CNBD1: variants seen among roughly 807,000 people sequenced by gnomAD.
CNBD1 encodes the protein cyclic nucleotide binding domain containing 1, also known as cyclic nucleotide-binding domain-containing protein 1.
Under a neutral mutation model 54.4 loss-of-function variants are expected in CNBD1, and 71 were observed. That is an observed-to-expected ratio of 1.30 (90% confidence interval 1.08 to 1.59). The LOEUF is 1.59. Among genes scored for constraint, CNBD1 ranks in the 40% most tolerant of loss-of-function variants. The pLI is 0.00. For missense variants in CNBD1, 659 were observed against 518.0 expected, an observed-to-expected ratio of 1.27 and a Z score of -2.64; for synonymous variants, 182 against 170.7, an observed-to-expected ratio of 1.07 and a Z score of -0.51.
In CNBD1 at chr8:87,119,091, T is replaced by G. The variant is rs139992473; in HGVS notation, c.432-86902T>G. 8.9e-4 allele frequency among the ~76,000 whole-genome samples: 136 copies of G among 152,252 alleles called. 2 individuals are homozygous for G. The highest frequency in any genetic ancestry group is 7.3e-3 in the East Asian group (38 of 5,176). ...TGTGAGAACACAGGCCTTTTTTGGT[T>G]CCATATGAATTTTAAGATTTTTTTT... On this transcript the variant is annotated intron_variant, in intron 4 of 10. Transcript: ENST00000518476.
chr8:87,379,249 C>G (rs1390153446), intron 10 of CNBD1, among the ~76,000 whole-genome samples: 1 of 151,930 alleles, frequency 6.6e-6, no homozygotes, highest in Non-Finnish European at 1.5e-5. Flanking sequence ...GAGTGACCTA[C>G]AAAGAGACTT....
intron 5 of CNBD1, among the ~76,000 whole-genome samples, chr8:87,214,896 T>G (rs921877745): frequency 6.6e-6 from 1 of 152,104 alleles, no homozygotes; most frequent in South Asian, 2.1e-4. Context: ...CCCACAACAC[T>G]TGGGAATTAT....
chr8:86,942,718 T>G (rs1807361583), intron 4 of CNBD1, among the ~76,000 whole-genome samples: 1 of 152,208 alleles, frequency 6.6e-6, no homozygotes, highest in Non-Finnish European at 1.5e-5. Flanking sequence ...TTTGCAGTAT[T>G]CCCAAATCAT....
chr8:87,227,263 G>A (rs1371285566), intron 5 of CNBD1, among the ~76,000 whole-genome samples: 1 of 148,748 alleles, frequency 6.7e-6, no homozygotes, highest in Admixed American at 6.7e-5. Flanking sequence ...AGTGTTATGT[G>A]TGAATTTGAT....
intron 9 of CNBD1, 95 bp from the exon 10 acceptor site, chr8:87,353,541 T>C: frequency 4.0e-6 from 3 of 754,188 alleles, no homozygotes; most frequent in Non-Finnish European, 6.3e-6. Flanking sequence ...TATCATTTAG[T>C]AAAATGGTTT....
chr8:87,256,255 T>C (rs1194460358), intron 6 of CNBD1, among the ~76,000 whole-genome samples: 1 of 151,278 alleles, frequency 6.6e-6, no homozygotes, highest in Non-Finnish European at 1.5e-5. Flanking sequence ...GCTCCTGGCC[T>C]CAGTGATCCA....
At chr8:87,083,611 C>T (rs1238263878) in intron 4 of CNBD1, among the ~76,000 whole-genome samples, 20 of 127,092 alleles carry the variant, frequency 1.6e-4, no homozygotes, top group African/African-American at 4.6e-4. Flanking sequence ...TTTTTTGAGA[C>T]GGAGTCTGAC....
At position 87,249,338 on chromosome 8, in the gene CNBD1, A is replaced by G. The variant is rs1205670542; in HGVS notation, c.771+12226A>G. Among the ~76,000 whole-genome samples the G allele has an allele frequency of 3.9e-5, 6 of 152,236 alleles. No individual in the cohort carries two copies. In the East Asian group the frequency reaches 9.7e-4, roughly 25 times the overall value. Reference sequence around the variant, plus strand: ...TTATGGGGAATGGCTGTAAACATAGATGAAGCTTTTCCTGCTTGCCCATTG... The same window carrying G: ...TTATGGGGAATGGCTGTAAACATAGGTGAAGCTTTTCCTGCTTGCCCATTG... On this transcript the variant is annotated intron_variant, in intron 6 of 10. Coordinates refer to ENST00000518476, the MANE Select transcript of CNBD1 (RefSeq NM_173538.3).
At chr8:87,132,784 CAT>C (rs139202654) in intron 4 of CNBD1, among the ~76,000 whole-genome samples, 4,882 of 144,574 alleles carry the variant, frequency 0.034, 101 homozygotes, top group Non-Finnish European at 0.04. Flanking sequence ...ATTCAATTTG[CAT>C]ATATATATGT....
chr8:86,927,640 T>A (rs141237682), intron 3 of CNBD1, among the ~76,000 whole-genome samples: 118 of 152,282 alleles, frequency 7.7e-4, no homozygotes, highest in African/African-American at 2.8e-3. Flanking sequence ...ATTTTCGTCC[T>A]GGCAGGAGCT....
chr8:87,371,693 C>T (rs1041065432), intron 10 of CNBD1, among the ~76,000 whole-genome samples: 1 of 151,954 alleles, frequency 6.6e-6, no homozygotes, highest in Non-Finnish European at 1.5e-5. Context: ...ATATGCAAAT[C>T]AATAAATGTA....
chr8:86,930,037 T>C (rs1197834972), intron 3 of CNBD1, among the ~76,000 whole-genome samples: 1 of 152,160 alleles, frequency 6.6e-6, no homozygotes, highest in East Asian at 1.9e-4. Context: ...TTGAAGGCTG[T>C]TTCCATCTCT....
intron 6 of CNBD1, among the ~76,000 whole-genome samples, chr8:87,261,046 C>T (rs568578519): frequency 2.0e-5 from 3 of 152,268 alleles, no homozygotes; most frequent in African/African-American, 7.2e-5. Flanking sequence ...CCCTGCAATA[C>T]TACTGCTTCC....
chr8:87,305,332 CA>C (rs1238350593), intron 8 of CNBD1, among the ~76,000 whole-genome samples: 1 of 151,980 alleles, frequency 6.6e-6, no homozygotes, highest in Non-Finnish European at 1.5e-5. Flanking sequence ...ACCATATTGC[CA>C]AAAACAATCT....
rs548692859 is a variant in CNBD1 at position 87,176,860 on chromosome 8, G to A, written c.432-29133G>A. On this transcript the variant is annotated intron_variant, in intron 4 of 10. Coordinates refer to ENST00000518476, the MANE Select transcript of CNBD1 (RefSeq NM_173538.3). The stretch of plus-strand genomic sequence containing the variant: ...ATTTCTGGCTTCATATTTTATGAAA[G>A]TAAATCAAGATAACTATAAACAATA... 2.2e-4 allele frequency among the ~76,000 whole-genome samples: 34 copies of A among 152,144 alleles called. No individual in the cohort carries two copies. The South Asian group carries it at 4.6e-3, about 20-fold the overall frequency.
Position 87,031,771 on chromosome 8 carries a change from C to T in CNBD1, c.431+92017C>T, listed in dbSNP as rs753485655. 7.0e-4 allele frequency among the ~76,000 whole-genome samples: 107 copies of T among 152,080 alleles called. 1 individual carries two copies. Among genetic ancestry groups the T allele is most frequent in the Non-Finnish European group, 4.6e-4 (31 of 68,012 alleles). ...TTTATTTATTTTTGAGATGGAGTCT[C>T]GCTCTATCACCCAGGCTGGAGTTCA... On this transcript the variant is annotated intron_variant, in intron 4 of 10. Transcript: ENST00000518476.
At chr8:86,916,620 A>T (rs1255569063) in intron 3 of CNBD1, among the ~76,000 whole-genome samples, 2 of 152,144 alleles carry the variant, frequency 1.3e-5, no homozygotes, top group Admixed American at 6.6e-5. Flanking sequence ...TCTTATTGGA[A>T]AACTGCTGAT....
At chr8:87,098,735 A>AT (rs199916488) in intron 4 of CNBD1, among the ~76,000 whole-genome samples, 5 of 37,964 alleles carry the variant, frequency 1.3e-4, no homozygotes, top group African/African-American at 5.2e-4. Context: ...CATAGTAATA[A>AT]AAAAAAAAAA....
chr8:87,052,223 CAGG>C (rs1399791324), intron 4 of CNBD1, among the ~76,000 whole-genome samples: 1 of 152,178 alleles, frequency 6.6e-6, no homozygotes, highest in East Asian at 1.9e-4. Context: ...TGGCCATGCT[CAGG>C]AGATTTTTCT....
Sources: gnomAD v4.1 joint callset for allele counts (sites outside exome capture counted in the v4.1 genomes callset) on GRCh38, gnomAD v4.1.1 for gene constraint, MANE v1.5 for transcripts, NCBI Gene and HGNC (gene_info 2026-07-23, HGNC 2026-07-21) for gene names.